NUAK1: variants seen among roughly 807,000 people sequenced by gnomAD.
The protein encoded by NUAK1 is NUAK family SNF1-like kinase 1.
NUAK1 carries 26 observed loss-of-function variants against 56.9 expected under a neutral mutation model. The observed-to-expected ratio is 0.46, with a 90% CI of 0.33 to 0.63. The LOEUF is 0.63. NUAK1 is among the 30% of genes least tolerant of loss of function. The pLI is 0.02. For missense variants in NUAK1, 727 were observed against 876.1 expected, an observed-to-expected ratio of 0.83 and a Z score of 2.15; for synonymous variants, 337 against 336.0, an observed-to-expected ratio of 1.00 and a Z score of -0.03.
intron 1 of NUAK1, among the ~76,000 whole-genome samples, chr12:106,125,152 G>C (rs1473708862): frequency 6.6e-6 from 1 of 152,196 alleles, no homozygotes; most frequent in East Asian, 1.9e-4. Flanking sequence ...CACAGCTTAA[G>C]TTGTGGCAGT....
At chr12:106,080,438 A>G (rs2032504909) in intron 4 of NUAK1, among the ~76,000 whole-genome samples, 1 of 152,120 alleles carries the variant, frequency 6.6e-6, no homozygotes, top group South Asian at 2.1e-4. Context: ...CCCGTTTTTT[A>G]TTAATTGCAA....
At chr12:106,116,117 G>A (rs777730525) in intron 1 of NUAK1, among the ~76,000 whole-genome samples, 3 of 152,042 alleles carry the variant, frequency 2.0e-5, no homozygotes, top group Non-Finnish European at 2.9e-5. Context: ...TATGCACCAC[G>A]GCATCTCCAG....
chr12:106,125,192 T>C (rs989367498), intron 1 of NUAK1, among the ~76,000 whole-genome samples: 1 of 152,130 alleles, frequency 6.6e-6, no homozygotes, highest in Non-Finnish European at 1.5e-5. Flanking sequence ...TCTCCCAACA[T>C]ACCTAGACTC....
rs1028514394 is a variant in NUAK1 at position 106,138,328 on chromosome 12, G to A, written c.240+86C>T. ...CCCTCTCTGTCAAGAGAGCCCCAGG[G>A]CGCACAGACCCCCGCCTCGCACGCC... On this transcript the variant is annotated intron_variant, in intron 1 of 6. Transcript: ENST00000261402. This position sits in a 1 kb window ranked among gnomAD's most constrained non-coding sequence, Gnocchi z 5.0. The A allele has an allele frequency of 2.7e-6, 4 of 1,489,994 alleles. No individual in the cohort carries two copies. Among genetic ancestry groups the A allele is most frequent in the African/African-American group, 1.4e-5 (1 of 71,232 alleles). 92.3% of individuals were successfully genotyped at this position (1,489,994 alleles called of 1,614,324 possible). A position where few individuals can be genotyped will look rare whatever the true frequency, so the allele number is the denominator to read the frequency against.
intron 1 of NUAK1, among the ~76,000 whole-genome samples, chr12:106,131,163 C>G (rs914633563): frequency 9.2e-5 from 14 of 152,092 alleles, no homozygotes; most frequent in African/African-American, 2.4e-4. Context: ...CACCCTGAGC[C>G]CCCCCCTTTT....
rs1267533788 is a variant in NUAK1 at position 106,066,925 on chromosome 12, C to T, written c.1863G>A (p.Arg621=). 2.5e-6 allele frequency: 4 copies of T among 1,614,022 alleles called. No homozygotes were observed. Among genetic ancestry groups the T allele is most frequent in the Non-Finnish European group, 3.4e-6 (4 of 1,180,008 alleles). Residue 621 remains arginine, a synonymous_variant, in exon 7 of 7, where the codon CGG becomes CGA. Transcript: ENST00000261402. The stretch of plus-strand genomic sequence containing the variant: ...TCCGGTACCGCTTCAGGTACTGGGG[C>T]CGGGGCCGGTTCTGGAGCCCCTCAA... ...QDFEGLQNRP[R]PQYLKRYRNR... is the part of the protein sequence containing the mutation.
intron 4 of NUAK1, among the ~76,000 whole-genome samples, chr12:106,075,323 A>G (rs1379650317): frequency 6.6e-6 from 1 of 150,462 alleles, no homozygotes; most frequent in Non-Finnish European, 1.5e-5. Flanking sequence ...ACACACAGAG[A>G]GAGAGAGAGA....
intron 1 of NUAK1, among the ~76,000 whole-genome samples, chr12:106,137,951 G>A (rs969097514): frequency 1.3e-5 from 2 of 152,224 alleles, no homozygotes; most frequent in Non-Finnish European, 2.9e-5. Flanking sequence ...GCAAGGAGCT[G>A]CGGGCAGATG....
intron 6 of NUAK1, among the ~76,000 whole-genome samples, chr12:106,069,534 C>CTGT (rs1309241554): frequency 4.6e-5 from 7 of 152,078 alleles, no homozygotes; most frequent in South Asian, 2.1e-4. Context: ...AGTTACAGTG[C>CTGT]TGTTGGCTGT....
intron 4 of NUAK1, among the ~76,000 whole-genome samples, chr12:106,078,641 G>T (rs777943819): frequency 1.3e-5 from 2 of 152,222 alleles, no homozygotes; most frequent in Non-Finnish European, 2.9e-5. Context: ...AAGGCAGGGA[G>T]TGGAACAAGG....
chr12:106,132,810 C>T (rs1176965070), intron 1 of NUAK1, among the ~76,000 whole-genome samples: 1 of 152,158 alleles, frequency 6.6e-6, no homozygotes, highest in Non-Finnish European at 1.5e-5. Flanking sequence ...CTGCTCCAAG[C>T]CAGCACACCA....
At chr12:106,129,332 T>C (rs2033054761) in intron 1 of NUAK1, among the ~76,000 whole-genome samples, 1 of 152,236 alleles carries the variant, frequency 6.6e-6, no homozygotes, top group African/African-American at 2.4e-5. Flanking sequence ...CTGGTGCTTC[T>C]TCCCGCAATT....
Position 106,138,640 on chromosome 12 carries a change from G to A in NUAK1, c.14C>T (p.Ala5Val). MEGA[A>V]APVAGDRPDL... Reference sequence around the variant, plus strand: ...GGGGCGGTCCCCCGCCACAGGCGCGGCGGCCCCTTCCATGTCCAAGCGCGG... The same window carrying A: ...GGGGCGGTCCCCCGCCACAGGCGCGACGGCCCCTTCCATGTCCAAGCGCGG... Residue 5 changes from alanine (A) to valine (V), a missense_variant, in exon 1 of 7, where the codon GCC (alanine) becomes GTC (valine). Transcript: ENST00000261402. This position sits in a 1 kb window ranked among gnomAD's most constrained non-coding sequence, Gnocchi z 5.0. 1 of 1,543,680 alleles carries A rather than the reference G, an allele frequency of 6.5e-7. No individual in the cohort carries two copies. Among genetic ancestry groups the A allele is most frequent in the Non-Finnish European group, 8.7e-7 (1 of 1,153,698 alleles).
In NUAK1 at chr12:106,067,048, G is replaced by C; in HGVS notation, c.1740C>G (p.Ser580Arg). 6.2e-7 allele frequency: 1 copy of C among 1,614,226 alleles called. No individual in the cohort carries two copies. The highest frequency in any genetic ancestry group is 2.2e-5 in the East Asian group (1 of 44,874). The change falls in exon 7 of 7, where the codon AGC (serine) becomes AGG (arginine). Residue 580 changes from serine to arginine, a missense_variant. Transcript: ENST00000261402. This position sits in a 1 kb window ranked among gnomAD's most constrained non-coding sequence, Gnocchi z 6.0. Reference protein sequence around the residue: ...SVISDDSVLSSDSFDLLDLQE... With the variant: ...SVISDDSVLSRDSFDLLDLQE... ...GCAAATCCAGCAAGTCAAAAGAGTC[G>C]CTGGACAGCACGCTGTCATCGCTGA...
intron 2 of NUAK1, among the ~76,000 whole-genome samples, chr12:106,095,576 T>G (rs535554220): frequency 6.6e-6 from 1 of 152,316 alleles, no homozygotes; most frequent in Admixed American, 6.5e-5. Context: ...CTGTGAATAT[T>G]AGCACACAGC....
intron 3 of NUAK1, among the ~76,000 whole-genome samples, chr12:106,086,528 A>G (rs1341217030): frequency 6.6e-6 from 1 of 152,226 alleles, no homozygotes; most frequent in Non-Finnish European, 1.5e-5. Context: ...GAGGAGGAAG[A>G]AGACTGAAAG....
chr12:106,138,917 G>T lies in NUAK1; in HGVS notation c.-264C>A. On this transcript the variant is annotated 5_prime_UTR_variant, in exon 1 of 7. Transcript: ENST00000261402. The surrounding 1 kb of genome is among the most constrained non-coding windows in gnomAD (Gnocchi z 5.0). Reference sequence around the variant, plus strand: ...TCGGGCGAGGTGGCGGCGGTGGCAGGGGAGGCGGTGGTGTTTGCAGGAGGG... The same window carrying T: ...TCGGGCGAGGTGGCGGCGGTGGCAGTGGAGGCGGTGGTGTTTGCAGGAGGG... 2.8e-6 allele frequency: 1 copy of T among 363,500 alleles called. No homozygotes were observed. Among genetic ancestry groups the T allele is most frequent in the Non-Finnish European group, 4.8e-6 (1 of 208,252 alleles). The allele number at this position is 363,500 out of a possible 1,614,324, so 22.5% of individuals were successfully genotyped here.
At chr12:106,122,625 G>A (rs965596446) in intron 1 of NUAK1, among the ~76,000 whole-genome samples, 1 of 152,204 alleles carries the variant, frequency 6.6e-6, no homozygotes, top group Admixed American at 6.5e-5. Flanking sequence ...GTATAGACGA[G>A]AGAAAATGGT....
intron 1 of NUAK1, among the ~76,000 whole-genome samples, chr12:106,109,103 C>T (rs927654698): frequency 1.3e-5 from 2 of 152,136 alleles, no homozygotes; most frequent in Non-Finnish European, 1.5e-5. Flanking sequence ...CAGGAGGAGA[C>T]AAATGCTAGA....
Sources: gnomAD v4.1 joint callset for allele counts (sites outside exome capture counted in the v4.1 genomes callset) on GRCh38, gnomAD v4.1.1 for gene constraint, Gnocchi (gnomAD v3.1) non-coding constraint, MANE v1.5 for transcripts, NCBI Gene and HGNC (gene_info 2026-07-23, HGNC 2026-07-21) for gene names.